The following KLHL11 variants were observed in gnomAD, a reference collection of about 807,000 sequenced individuals.
The protein encoded by KLHL11 is kelch-like protein 11.
Under a neutral mutation model 56.1 loss-of-function variants are expected in KLHL11, and 26 were observed. The ratio of observed to expected loss-of-function variants is 0.46; its 90% CI spans 0.34 to 0.64. The LOEUF (loss-of-function observed/expected upper bound fraction) is 0.64. KLHL11 is among the 30% of genes least tolerant of loss of function. The probability of loss-of-function intolerance (pLI) is 0.01; values close to 1 mark genes in which losing one functional copy is unlikely to be tolerated. For missense variants in KLHL11, 627 were observed against 919.4 expected, an observed-to-expected ratio of 0.68 and a Z score of 4.11; for synonymous variants, 338 against 345.8, an observed-to-expected ratio of 0.98 and a Z score of 0.25.
chr17:41,852,276 CA>C lies in KLHL11; in HGVS notation c.*1463del, dbSNP rs1213539570. ...AAAATCTGCCCACCTCAGCCTCCTC[CA>C]AAGTGTTGGGATTACAGTCATGAGC... is the stretch of plus-strand genomic sequence containing the variant. On this transcript the variant is annotated 3_prime_UTR_variant, in exon 2 of 2. Transcript: ENST00000319121. 6.6e-6 allele frequency among the ~76,000 whole-genome samples: 1 copy of C among 151,980 alleles called. No individual in the cohort carries two copies. The highest frequency in any genetic ancestry group is 6.6e-5 in the Admixed American group (1 of 15,240).
At chr17:41,856,487 GTTAGA>G (rs782670355) in intron 1 of KLHL11, among the ~76,000 whole-genome samples, 21 of 152,132 alleles carry the variant, frequency 1.4e-4, no homozygotes, top group African/African-American at 3.9e-4. Context: ...TATGGAAATA[GTTAGA>G]TTAATCTCAC....
Position 41,865,014 on chromosome 17 carries a change from G to A in KLHL11, c.357C>T (p.Thr119=). ...RAHRSVLAAA[T]EYFTPLLSGQ... ...CCGAGAGCAGGGGCGTGAAGTACTCGGTGGCGGCAGCCAGTACCGAGCGGT... is the reference window on the plus strand; with the variant it reads ...CCGAGAGCAGGGGCGTGAAGTACTCAGTGGCGGCAGCCAGTACCGAGCGGT... Residue 119 remains threonine (T), a synonymous_variant, in exon 1 of 2, where the codon ACC becomes ACT. Coordinates refer to ENST00000319121, the MANE Select transcript of KLHL11 (RefSeq NM_018143.3). 6.2e-7 allele frequency: 1 copy of A among 1,600,996 alleles called. No homozygotes were observed. Among genetic ancestry groups the A allele is most frequent in the Non-Finnish European group, 8.5e-7 (1 of 1,173,032 alleles).
intron 1 of KLHL11, among the ~76,000 whole-genome samples, chr17:41,861,631 A>C (rs2048403264): frequency 7.2e-6 from 1 of 139,750 alleles, no homozygotes; most frequent in South Asian, 2.3e-4. Context: ...GGTTGCAGTG[A>C]GCCGAGATTG....
In KLHL11 at chr17:41,853,422, C is replaced by A; in HGVS notation, c.*318G>T. 4.3e-6 allele frequency: 1 copy of A among 233,256 alleles called. No homozygotes were observed. The highest frequency in any genetic ancestry group is 8.3e-6 in the Non-Finnish European group (1 of 121,160). 14.4% of individuals were successfully genotyped at this position (233,256 alleles called of 1,614,324 possible). A position where few individuals can be genotyped will look rare whatever the true frequency, so the allele number is the denominator to read the frequency against. ...TTAAAGCATGTTCAAAACGTAAGTC[C>A]TCAAGACAAAGGAGTCATAACTCGT... On this transcript the variant is annotated 3_prime_UTR_variant, in exon 2 of 2. Transcript: ENST00000319121.
In KLHL11 at chr17:41,853,446, G is replaced by A. The variant is rs550348219; in HGVS notation, c.*294C>T. ...CCTCAAGACAAAGGAGTCATAACTCGTTGGCAGGAAAACAGCTAAGCAACT... is the reference window on the plus strand; with the variant it reads ...CCTCAAGACAAAGGAGTCATAACTCATTGGCAGGAAAACAGCTAAGCAACT... On this transcript the variant is annotated 3_prime_UTR_variant, in exon 2 of 2. Transcript: ENST00000319121. 10 of 274,990 alleles carry A rather than the reference G, an allele frequency of 3.6e-5. No homozygotes were observed. Among genetic ancestry groups the A allele is most frequent in the Non-Finnish European group, 5.4e-5 (8 of 147,492 alleles). 17.0% of individuals were successfully genotyped at this position (274,990 alleles called of 1,614,324 possible).
chr17:41,862,602 G>A lies in KLHL11; in HGVS notation c.545+2224C>T, dbSNP rs181355734. Among the ~76,000 whole-genome samples the A allele has an allele frequency of 2.9e-3, 445 of 152,074 alleles. 5 individuals carry two copies. Among genetic ancestry groups the A allele is most frequent in the African/African-American group, 0.01 (423 of 41,466 alleles). On this transcript the variant is annotated intron_variant, in intron 1 of 1. Transcript: ENST00000319121. ...GCCTAATTTTTGTATTTTTAGTGGA[G>A]ATGGGGTTTCATCATGTTGGCCAGG...
intron 1 of KLHL11, 35 bp from the exon 2 acceptor site, chr17:41,855,356 C>T: frequency 6.9e-7 from 1 of 1,453,528 alleles, no homozygotes; most frequent in Non-Finnish European, 9.3e-7. Context: ...ATTAATTTTT[C>T]AAATGTGCAT....
At chr17:41,856,893 A>C (rs2048370128) in intron 1 of KLHL11, among the ~76,000 whole-genome samples, 1 of 151,958 alleles carries the variant, frequency 6.6e-6, no homozygotes, top group South Asian at 2.1e-4. Flanking sequence ...GGTGGTGGGC[A>C]CCTGTAATCC....
chr17:41,863,309 T>G (rs1597951623), intron 1 of KLHL11, among the ~76,000 whole-genome samples: 1 of 151,896 alleles, frequency 6.6e-6, no homozygotes, highest in African/African-American at 2.4e-5. Flanking sequence ...GCGATTCTTG[T>G]GTCTCAGCCT....
intron 1 of KLHL11, among the ~76,000 whole-genome samples, chr17:41,857,199 T>C (rs2048371855): frequency 6.6e-6 from 1 of 151,060 alleles, no homozygotes; most frequent in Non-Finnish European, 1.5e-5. Context: ...ATAGCAAGAC[T>C]GTCTCTTTAA....
chr17:41,861,367 G>A (rs2048401211), intron 1 of KLHL11, among the ~76,000 whole-genome samples: 1 of 152,182 alleles, frequency 6.6e-6, no homozygotes, highest in African/African-American at 2.4e-5. Context: ...AATCTGCTAT[G>A]CTTTTCTCTG....
chr17:41,863,656 TCTC>T (rs1555623280), intron 1 of KLHL11, among the ~76,000 whole-genome samples: 1 of 152,002 alleles, frequency 6.6e-6, no homozygotes, highest in East Asian at 1.9e-4. Flanking sequence ...TCCTGGGGCT[TCTC>T]CTGTTCCTCT....
chr17:41,864,809 C>T lies in KLHL11; in HGVS notation c.545+17G>A. ...TCCGCGCCCGCCGCCCTCCGCGCTC[C>T]CGCCTCCCTCGCCTACCTGTCGGCC... On this transcript the variant is annotated intron_variant, in intron 1 of 1. Coordinates refer to ENST00000319121, the MANE Select transcript of KLHL11 (RefSeq NM_018143.3). 1 of 1,490,594 alleles carries T rather than the reference C, an allele frequency of 6.7e-7. No individual in the cohort carries two copies. Among genetic ancestry groups the T allele is most frequent in the South Asian group, 1.4e-5 (1 of 73,972 alleles). The allele number at this position is 1,490,594 out of a possible 1,614,324, so 92.3% of individuals were successfully genotyped here.
intron 1 of KLHL11, among the ~76,000 whole-genome samples, chr17:41,860,404 G>T (rs1438153979): frequency 1.3e-5 from 2 of 151,888 alleles, no homozygotes; most frequent in Non-Finnish European, 2.9e-5. Flanking sequence ...GGGTTTTGGG[G>T]GGGGTGGGGG....
chr17:41,859,091 G>A (rs1271703270), intron 1 of KLHL11, among the ~76,000 whole-genome samples: 1 of 152,146 alleles, frequency 6.6e-6, no homozygotes, highest in African/African-American at 2.4e-5. Flanking sequence ...TACTCCCTGT[G>A]TCAGAGGTTT....
chr17:41,863,591 T>A (rs1335477804), intron 1 of KLHL11, among the ~76,000 whole-genome samples: 1 of 152,202 alleles, frequency 6.6e-6, no homozygotes, highest in Non-Finnish European at 1.5e-5. Flanking sequence ...TAAAAGCTCA[T>A]GTCCTTCCAC....
At chr17:41,859,071 C>T (rs564356583) in intron 1 of KLHL11, among the ~76,000 whole-genome samples, 1 of 152,058 alleles carries the variant, frequency 6.6e-6, no homozygotes, top group South Asian at 2.1e-4. Context: ...TTCAAGTTGC[C>T]CTGAATATAT....
chr17:41,852,002 T>G lies in KLHL11; in HGVS notation c.*1738A>C, dbSNP rs2048334713. ...AATTCGAATAACGTATAAAACTAAATAAAAGATAGCTTCAGTGATCTTTTT... is the reference window on the plus strand; with the variant it reads ...AATTCGAATAACGTATAAAACTAAAGAAAAGATAGCTTCAGTGATCTTTTT... On this transcript the variant is annotated 3_prime_UTR_variant, in exon 2 of 2. Coordinates refer to ENST00000319121, the MANE Select transcript of KLHL11 (RefSeq NM_018143.3). Among the ~76,000 whole-genome samples the G allele has an allele frequency of 6.6e-6, 1 of 151,982 alleles. No homozygotes were observed. Among genetic ancestry groups the G allele is most frequent in the Admixed American group, 6.6e-5 (1 of 15,244 alleles).
Position 41,865,332 on chromosome 17 carries a change from G to GGCC in KLHL11, c.36_38dup (p.Ala16dup), listed in dbSNP as rs540223512. On this transcript the variant is annotated inframe_insertion, in exon 1 of 2. Transcript: ENST00000319121. ...CCAGTACCTGAAGAGATGCAGCCGC[G>GGCC]GCCGCCGCCGCCGCCGCCGCCACTG... 591 of 1,442,312 alleles carry GGCC rather than the reference G, an allele frequency of 4.1e-4. No homozygotes were observed. Among genetic ancestry groups the GGCC allele is most frequent in the South Asian group, 2.0e-3 (136 of 69,362 alleles). The allele number at this position is 1,442,312 out of a possible 1,614,324, so 89.3% of individuals were successfully genotyped here. A position where few individuals can be genotyped will look rare whatever the true frequency, so the allele number is the denominator to read the frequency against.
Sources: gnomAD v4.1 joint callset for allele counts (sites outside exome capture counted in the v4.1 genomes callset) on GRCh38, gnomAD v4.1.1 for gene constraint, MANE v1.5 for transcripts, NCBI Gene and HGNC (gene_info 2026-07-23, HGNC 2026-07-21) for gene names.